Variants in STXBP6 observed in about 807,000 individuals in gnomAD.
STXBP6 encodes syntaxin-binding protein 6.
STXBP6 carries 21 observed loss-of-function variants against 26.9 expected under a neutral mutation model. The ratio of observed to expected loss-of-function variants is 0.78; its 90% confidence interval spans 0.55 to 1.12. STXBP6 has a LOEUF of 1.12. Ranked by LOEUF, STXBP6 falls within the 50% of genes most tolerant of loss-of-function variation. The pLI is 0.00. For missense variants in STXBP6, 232 were observed against 257.9 expected, an observed-to-expected ratio of 0.90 and a Z score of 0.69; for synonymous variants, 97 against 92.6, an observed-to-expected ratio of 1.05 and a Z score of -0.27.
chr14:24,939,553 T>C (rs2072728915), intron 2 of STXBP6, among the ~76,000 whole-genome samples: 1 of 152,164 alleles, frequency 6.6e-6, no homozygotes, highest in South Asian at 2.1e-4. Flanking sequence ...GCGATGGCCA[T>C]TACCTCTAAA....
intron 5 of STXBP6, chr14:24,815,621 C>T (rs373187804): frequency 6.6e-6 from 1 of 152,156 alleles, no homozygotes. Context: ...CCCCCACACA[C>T]GTAGGCTAGT....
chr14:24,957,071 G>C (rs2073367688), intron 2 of STXBP6, among the ~76,000 whole-genome samples: 1 of 152,154 alleles, frequency 6.6e-6, no homozygotes, highest in African/African-American at 2.4e-5. Context: ...CACTGTGCCA[G>C]GCTCTTTGCT....
chr14:24,978,857 C>T (rs2074115210), intron 1 of STXBP6, among the ~76,000 whole-genome samples: 1 of 152,172 alleles, frequency 6.6e-6, no homozygotes, highest in African/African-American at 2.4e-5. Flanking sequence ...GAGTTGCAAA[C>T]TCAAATGACC....
chr14:24,912,568 C>T (rs550787933), intron 2 of STXBP6, among the ~76,000 whole-genome samples: 22 of 152,076 alleles, frequency 1.4e-4, no homozygotes, highest in Middle Eastern at 3.4e-3. Flanking sequence ...AATCATACAG[C>T]CTTACTTTAA....
At chr14:25,027,351 A>C (rs2075367558) in intron 1 of STXBP6, among the ~76,000 whole-genome samples, 1 of 152,174 alleles carries the variant, frequency 6.6e-6, no homozygotes, top group Admixed American at 6.6e-5. Context: ...ATGCTACAGT[A>C]ATCTGTGATC....
In STXBP6 at chr14:24,857,099, G is replaced by T. The variant is rs772154249; in HGVS notation, c.213C>A (p.Ser71=). ...SITKVKQFEG[S]TSFVRRSQWM... is the part of the protein sequence containing the mutation. ...ACTGTGATCTCCGAACAAATGATGT[G>T]GAGCCTTCAAACTGTTTGACCTTTG... Residue 71 remains serine (S), a synonymous_variant, in exon 3 of 6, where the codon TCC becomes TCA. Coordinates refer to ENST00000323944, the MANE Select transcript of STXBP6 (RefSeq NM_001394410.1). 1.9e-6 allele frequency: 3 copies of T among 1,613,022 alleles called. No homozygotes were observed. In the Admixed American group the frequency reaches 5.0e-5, roughly 27 times the overall value.
intron 1 of STXBP6, among the ~76,000 whole-genome samples, chr14:25,023,489 G>A (rs2140433702): frequency 6.6e-6 from 1 of 152,196 alleles, no homozygotes; most frequent in South Asian, 2.1e-4. Context: ...AATAACAAAA[G>A]GGGGAGAGGC....
At chr14:24,981,661 T>C (rs1481927911) in intron 1 of STXBP6, among the ~76,000 whole-genome samples, 1 of 152,154 alleles carries the variant, frequency 6.6e-6, no homozygotes, top group Non-Finnish European at 1.5e-5. Flanking sequence ...CCAACAGAGA[T>C]TAATATGAGT....
chr14:24,903,205 G>A (rs917494921), intron 2 of STXBP6, among the ~76,000 whole-genome samples: 4 of 152,076 alleles, frequency 2.6e-5, no homozygotes, highest in Admixed American at 6.6e-5. Flanking sequence ...CATTTTTGGT[G>A]TTTGCTTTTG....
intron 1 of STXBP6, among the ~76,000 whole-genome samples, chr14:24,981,179 A>G (rs1370865383): frequency 6.6e-6 from 1 of 152,238 alleles, no homozygotes; most frequent in East Asian, 1.9e-4. Context: ...AAGTATTTCT[A>G]TATCTAATCC....
At chr14:24,993,989 T>C (rs535275460) in intron 1 of STXBP6, among the ~76,000 whole-genome samples, 1 of 152,342 alleles carries the variant, frequency 6.6e-6, no homozygotes, top group East Asian at 1.9e-4. Context: ...AGCTGCTTCC[T>C]GGAGTTACCA....
chr14:24,894,973 G>A (rs1350167427), intron 2 of STXBP6, among the ~76,000 whole-genome samples: 1 of 151,172 alleles, frequency 6.6e-6, no homozygotes, highest in African/African-American at 2.4e-5. Context: ...TTTGCCTTGA[G>A]CTTGTCTGGC....
intron 1 of STXBP6, among the ~76,000 whole-genome samples, chr14:25,037,477 T>C (rs2075575125): frequency 6.6e-6 from 1 of 152,188 alleles, no homozygotes; most frequent in African/African-American, 2.4e-5. Flanking sequence ...TTAAAAGACA[T>C]CATTCAAATG....
intron 2 of STXBP6, among the ~76,000 whole-genome samples, chr14:24,938,173 G>A (rs1356299264): frequency 6.6e-6 from 1 of 152,118 alleles, no homozygotes; most frequent in Non-Finnish European, 1.5e-5. Context: ...GCTGGGCCCT[G>A]GCACTCCCAC....
At chr14:24,889,421 G>A (rs533151639) in intron 2 of STXBP6, among the ~76,000 whole-genome samples, 2 of 112,494 alleles carry the variant, frequency 1.8e-5, no homozygotes, top group African/African-American at 3.4e-5. Context: ...GTTGTGGGGT[G>A]GGGGGAGGGG....
chr14:24,860,792 G>A (rs910319962), intron 2 of STXBP6, among the ~76,000 whole-genome samples: 1 of 150,276 alleles, frequency 6.7e-6, no homozygotes, highest in African/African-American at 2.5e-5. Flanking sequence ...AAGGAAAGAA[G>A]AAAAGGGGTA....
rs372284332 is a variant in STXBP6, at chr14:24,940,627, C to A, written c.154+34038G>T. Among the ~76,000 whole-genome samples the A allele has an allele frequency of 2.6e-5, 4 of 152,106 alleles. No individual in the cohort carries two copies. The South Asian group carries it at 6.2e-4, about 24-fold the overall frequency. ...TGTCAGAGACCTGTTGACCTGGATG[C>A]AAACCTTTTCCAAAATCAATCATCT... On this transcript the variant is annotated intron_variant, in intron 2 of 5. Transcript: ENST00000323944.
intron 1 of STXBP6, among the ~76,000 whole-genome samples, chr14:24,984,511 T>C (rs894123992): frequency 6.6e-6 from 1 of 152,188 alleles, no homozygotes; most frequent in African/African-American, 2.4e-5. Context: ...ATTTCCCAAA[T>C]GAAATTTCCA....
At chr14:24,937,409 C>A (rs1311979469) in intron 2 of STXBP6, among the ~76,000 whole-genome samples, 1 of 152,132 alleles carries the variant, frequency 6.6e-6, no homozygotes, top group Non-Finnish European at 1.5e-5. Context: ...GTTACTATGC[C>A]TTTATATATA....
Sources: allele counts gnomAD v4.1 joint callset (sites outside exome capture counted in the v4.1 genomes callset), GRCh38; gene constraint gnomAD v4.1.1; transcripts MANE v1.5; gene names NCBI Gene and HGNC (gene_info 2026-07-23, HGNC 2026-07-21).